Variants in DNAH11 observed in about 807,000 individuals in gnomAD.
DNAH11 encodes dynein axonemal heavy chain 11, also known as axonemal beta dynein heavy chain 11.
A neutral mutation model predicts 526.0 loss-of-function variants in DNAH11; 442 were observed. The observed-to-expected ratio is 0.84, with a 90% CI of 0.78 to 0.91. The LOEUF (loss-of-function observed/expected upper bound fraction) is 0.91, where lower values mean the gene tolerates loss of function less well. Ranked by LOEUF, DNAH11 falls within the 40% of genes least tolerant of loss-of-function variation. The pLI is 0.00. For synonymous variants in DNAH11, 2,461 were observed against 1,935.9 expected, an observed-to-expected ratio of 1.27 and a Z score of -7.12; for missense variants, 6,989 against 5,448.7, an observed-to-expected ratio of 1.28 and a Z score of -8.90.
At chr7:21,898,887 G>C (rs1167879576) in intron 79 of DNAH11, among the ~76,000 whole-genome samples, 1 of 152,140 alleles carries the variant, frequency 6.6e-6, no homozygotes, top group Non-Finnish European at 1.5e-5. Flanking sequence ...CGCACATGCT[G>C]TTCCCTCTGC....
At chr7:21,735,899 G>T in intron 46 of DNAH11, 55 bp downstream of exon 46, 3 of 1,496,118 alleles carry the variant, frequency 2.0e-6, no homozygotes, top group Non-Finnish European at 2.7e-6. Context: ...ATCAAGGCGG[G>T]CACATGCAGC....
chr7:21,830,386 A>C (rs1369471098), intron 65 of DNAH11, among the ~76,000 whole-genome samples: 1 of 152,240 alleles, frequency 6.6e-6, no homozygotes, highest in Admixed American at 6.5e-5. Context: ...AAACAAGGAC[A>C]GAGTTTCTGA....
intron 34 of DNAH11, 39 bp downstream of exon 34, chr7:21,687,566 A>G (rs761845096): frequency 3.1e-6 from 5 of 1,600,106 alleles, no homozygotes; most frequent in Middle Eastern, 1.7e-4. Context: ...ACAAATAGAA[A>G]AACATGGAAT....
At chr7:21,602,452 T>C (rs754499955) in intron 18 of DNAH11, among the ~76,000 whole-genome samples, 96 of 152,156 alleles carry the variant, frequency 6.3e-4, no homozygotes, top group Non-Finnish European at 1.1e-3. Flanking sequence ...GTGGAAAGAT[T>C]TGGGGGCTTT....
At chr7:21,605,162 T>C (rs1785233565) in intron 18 of DNAH11, among the ~76,000 whole-genome samples, 1 of 152,218 alleles carries the variant, frequency 6.6e-6, no homozygotes, top group Non-Finnish European at 1.5e-5. Flanking sequence ...CAAATAGTAT[T>C]TAGACCTAGC....
At chr7:21,578,457 C>A (rs1057471301) in intron 8 of DNAH11, among the ~76,000 whole-genome samples, 16 of 152,252 alleles carry the variant, frequency 1.1e-4, no homozygotes, top group Non-Finnish European at 2.2e-4. Context: ...TGTGGCTCTG[C>A]AGGGTACAGC....
intron 44 of DNAH11, among the ~76,000 whole-genome samples, chr7:21,721,978 G>A (rs1012490976): frequency 4.6e-5 from 7 of 152,030 alleles, no homozygotes; most frequent in African/African-American, 1.4e-4. Context: ...CAGATTGCTT[G>A]CATAGCCCTT....
intron 26 of DNAH11, 39 bp from the exon 27 acceptor site, chr7:21,637,572 G>C: frequency 8.0e-7 from 1 of 1,250,778 alleles, no homozygotes; most frequent in Non-Finnish European, 1.1e-6. Context: ...AGAAAAGATT[G>C]TTCTAATATC....
At position 21,559,546 on chromosome 7, in the gene DNAH11, A is replaced by G. The variant is rs142908581; in HGVS notation, c.693-57A>G. ...ATGCCTAAAATAACTATTAAAGTCT[A>G]TGTCTTTGGATAAAATGATTCATCT... is the stretch of plus-strand genomic sequence containing the variant. On this transcript the variant is annotated intron_variant, in intron 3 of 81. Transcript: ENST00000409508. 279 of 1,353,922 alleles carry G rather than the reference A, an allele frequency of 2.1e-4. 2 individuals are homozygous for G. In the East Asian group the frequency reaches 3.9e-3, roughly 19 times the overall value. 83.9% of individuals were successfully genotyped at this position (1,353,922 alleles called of 1,614,324 possible).
chr7:21,732,841 C>T (rs1785438907), intron 45 of DNAH11, among the ~76,000 whole-genome samples: 1 of 152,202 alleles, frequency 6.6e-6, no homozygotes, highest in South Asian at 2.1e-4. Flanking sequence ...CAGGGACTTT[C>T]TCATATCTTT....
intron 56 of DNAH11, among the ~76,000 whole-genome samples, chr7:21,775,309 CT>C (rs1370577061): frequency 6.6e-6 from 1 of 151,856 alleles, no homozygotes; most frequent in Non-Finnish European, 1.5e-5. Flanking sequence ...GCACCTTCTC[CT>C]TTCCTCTCAA....
intron 37 of DNAH11, chr7:21,703,403 G>C (rs1221976855): frequency 6.6e-6 from 1 of 152,354 alleles, no homozygotes; most frequent in Admixed American, 6.5e-5. Context: ...AACTACCTGA[G>C]ACTGGGAAAT....
chr7:21,650,704 A>G (rs1787588712), intron 28 of DNAH11, among the ~76,000 whole-genome samples: 2 of 151,634 alleles, frequency 1.3e-5, no homozygotes, highest in Non-Finnish European at 2.9e-5. Flanking sequence ...CAGTGGTGCA[A>G]TCTCAGCTCA....
intron 66 of DNAH11, among the ~76,000 whole-genome samples, chr7:21,848,084 G>A (rs552843177): frequency 1.0e-3 from 151 of 151,356 alleles, no homozygotes; most frequent in African/African-American, 3.3e-3. Flanking sequence ...GGAGAATGGC[G>A]TGAACCCAGG....
intron 68 of DNAH11, among the ~76,000 whole-genome samples, chr7:21,857,887 G>C (rs1159293816): frequency 1.3e-5 from 2 of 152,092 alleles, no homozygotes; most frequent in Non-Finnish European, 2.9e-5. Flanking sequence ...GTTAGGCAAA[G>C]ATTTCTTAGG....
intron 45 of DNAH11, among the ~76,000 whole-genome samples, chr7:21,731,091 C>T (rs190848817): frequency 3.3e-5 from 5 of 151,976 alleles, no homozygotes; most frequent in African/African-American, 1.2e-4. Flanking sequence ...TTGCAGAGAG[C>T]CGAGAGTGCG....
Position 21,687,116 on chromosome 7 carries a change from C to T in DNAH11, c.5639C>T (p.Thr1880Ile). The change falls in exon 33 of 82, where the codon ACT becomes ATT. Residue 1880 changes from threonine (T) to isoleucine (I), a missense_variant. Physicochemically the swap from Thr to Ile is moderately conservative, Grantham distance 89. Transcript: ENST00000409508. ...PLTDRCYITL[T>I]QSLHLTMSGA... is the part of the protein sequence containing the mutation. ...GCTTAAAGGTGTTATATTACCTTAA[C>T]TCAATCACTTCATCTAACCATGAGT... is the stretch of plus-strand genomic sequence containing the variant. 6.2e-7 allele frequency: 1 copy of T among 1,613,054 alleles called. No individual in the cohort carries two copies. The highest frequency in any genetic ancestry group is 2.2e-5 in the East Asian group (1 of 44,862).
intron 20 of DNAH11, among the ~76,000 whole-genome samples, chr7:21,612,309 A>G (rs1052927565): frequency 3.3e-5 from 5 of 152,110 alleles, no homozygotes; most frequent in Non-Finnish European, 2.9e-5. Flanking sequence ...TAATCCCAGC[A>G]CTTTGGGAGG....
At position 21,561,210 on chromosome 7, in the gene DNAH11, T is replaced by C. The variant is rs560277765; in HGVS notation, c.982+40T>C. On this transcript the variant is annotated intron_variant, in intron 5 of 81. Coordinates refer to ENST00000409508, the MANE Select transcript of DNAH11 (RefSeq NM_001277115.2). ...CCTCAGCCTGGCATCAATATCACCA[T>C]CTGCTCATGATCCAGCCCCTGCCTG... 1.2e-5 allele frequency: 17 copies of C among 1,428,920 alleles called. No individual in the cohort carries two copies. The East Asian group carries it at 4.1e-4, about 35-fold the overall frequency. 88.5% of individuals were successfully genotyped at this position (1,428,920 alleles called of 1,614,324 possible). A position where few individuals can be genotyped will look rare whatever the true frequency, so the allele number is the denominator to read the frequency against.
Sources: allele counts gnomAD v4.1 joint callset (sites outside exome capture counted in the v4.1 genomes callset), GRCh38; gene constraint gnomAD v4.1.1; transcripts MANE v1.5; gene names NCBI Gene and HGNC (gene_info 2026-07-23, HGNC 2026-07-21).